Variants in PTPRM observed in about 807,000 individuals in gnomAD.
PTPRM encodes the protein receptor-type tyrosine-protein phosphatase mu.
Under a neutral mutation model 186.7 loss-of-function variants are expected in PTPRM, and 47 were observed. The observed-to-expected ratio is 0.25, with a 90% confidence interval of 0.20 to 0.32. The LOEUF (loss-of-function observed/expected upper bound fraction) is 0.32, where lower values mean the gene tolerates loss of function less well. PTPRM is among the 10% of genes least tolerant of loss of function. The pLI is 1.00. For synonymous variants in PTPRM, 668 were observed against 674.9 expected (o/e 0.99, Z 0.16); for missense variants, 1,494 against 1,865.0 (o/e 0.80, Z 3.66).
At position 8,069,984 on chromosome 18, in the gene PTPRM, A is replaced by G. The variant is rs1413342959; in HGVS notation, c.1431A>G (p.Thr477=). ...RKESQELIVQ[T]DEDLPGAVPT... is the part of the protein sequence containing the mutation. ...AAAGCCAAGAACTCATAGTGCAGAC[A>G]GATGAAGACCGTGAGTACCTTTGAA... The change falls in exon 8 of 33, where the codon ACA becomes ACG. Residue 477 remains threonine, a synonymous_variant. Transcript: ENST00000580170. 6.2e-7 allele frequency: 1 copy of G among 1,612,056 alleles called. No homozygotes were observed. Among genetic ancestry groups the G allele is most frequent in the Admixed American group, 1.7e-5 (1 of 59,844 alleles).
intron 1 of PTPRM, among the ~76,000 whole-genome samples, chr18:7,692,378 G>T (rs1288990001): frequency 1.3e-5 from 2 of 150,234 alleles, no homozygotes; most frequent in East Asian, 4.0e-4. Flanking sequence ...ATCCCAGGAG[G>T]TTAAGGAGGT....
At chr18:8,003,783 G>A (rs1369425866) in intron 7 of PTPRM, among the ~76,000 whole-genome samples, 1 of 152,190 alleles carries the variant, frequency 6.6e-6, no homozygotes, top group East Asian at 1.9e-4. Flanking sequence ...GCACATTTGA[G>A]GGCCTATTAC....
chr18:7,862,036 A>C (rs2047414189), intron 2 of PTPRM, among the ~76,000 whole-genome samples: 1 of 152,186 alleles, frequency 6.6e-6, no homozygotes, highest in Admixed American at 6.6e-5. Context: ...GAGCATTTAG[A>C]ACATGAATTC....
At chr18:7,767,610 A>G (rs1196893208) in intron 1 of PTPRM, among the ~76,000 whole-genome samples, 1 of 152,194 alleles carries the variant, frequency 6.6e-6, no homozygotes, top group African/African-American at 2.4e-5. Context: ...CCAAAGAAAT[A>G]AAAAAGATAA....
chr18:7,808,434 A>G (rs2044344399), intron 2 of PTPRM, among the ~76,000 whole-genome samples: 1 of 152,196 alleles, frequency 6.6e-6, no homozygotes, highest in Non-Finnish European at 1.5e-5. Context: ...AATTTCTGGG[A>G]TGAAATCTGT....
chr18:7,644,771 A>C (rs536316278), intron 1 of PTPRM, among the ~76,000 whole-genome samples: 23 of 152,316 alleles, frequency 1.5e-4, no homozygotes, highest in African/African-American at 5.5e-4. Flanking sequence ...TGCAAGACAA[A>C]TGAGTGGGTA....
intron 14 of PTPRM, among the ~76,000 whole-genome samples, chr18:8,215,415 C>CAACA (rs1413847333): frequency 1.1e-4 from 17 of 151,910 alleles, no homozygotes; most frequent in African/African-American, 3.9e-4. Flanking sequence ...CCTATTTTCC[C>CAACA]ATGTGTCTGT....
chr18:8,159,670 A>C (rs568720122), intron 14 of PTPRM, among the ~76,000 whole-genome samples: 1 of 152,274 alleles, frequency 6.6e-6, no homozygotes, highest in East Asian at 1.9e-4. Context: ...TCCTGCATTC[A>C]CAGTCCTGAA....
At chr18:8,003,563 C>A (rs889136133) in intron 7 of PTPRM, among the ~76,000 whole-genome samples, 5 of 152,196 alleles carry the variant, frequency 3.3e-5, no homozygotes, top group Non-Finnish European at 1.5e-5. Context: ...GTCTGAGCAC[C>A]GTATCACATC....
chr18:7,640,251 A>G lies in PTPRM; in HGVS notation c.73+72360A>G, dbSNP rs575437095. Reference sequence around the variant, plus strand: ...TACAGGTAGGCAGAACTTGCTACAGAAAGAAACTTCCAGTGTCCAGTTGAA... The same window carrying G: ...TACAGGTAGGCAGAACTTGCTACAGGAAGAAACTTCCAGTGTCCAGTTGAA... On this transcript the variant is annotated intron_variant, in intron 1 of 32. Coordinates refer to ENST00000580170, the MANE Select transcript of PTPRM (RefSeq NM_001105244.2). Among the ~76,000 whole-genome samples, 5 of 152,328 alleles carry G rather than the reference A, an allele frequency of 3.3e-5. No individual in the cohort carries two copies. The South Asian group carries it at 6.2e-4, about 19-fold the overall frequency.
rs1025474106 is a variant in PTPRM at position 8,395,654 on chromosome 18, T to G, written c.4344+1043T>G. Among the ~76,000 whole-genome samples, 43 of 152,024 alleles carry G rather than the reference T, an allele frequency of 2.8e-4. 1 individual carries two copies. Among genetic ancestry groups the G allele is most frequent in the Admixed American group, 2.7e-3 (41 of 15,272 alleles). On this transcript the variant is annotated intron_variant, in intron 32 of 32. Transcript: ENST00000580170. ...TGGTCAGAAAATTTGTCACACCCAC[T>G]TGGTTAGGCACACTCTCACCCATCA...
intron 1 of PTPRM, among the ~76,000 whole-genome samples, chr18:7,651,934 G>A (rs2038716028): frequency 6.6e-6 from 1 of 151,924 alleles, no homozygotes; most frequent in African/African-American, 2.4e-5. Flanking sequence ...CTTCTGCACA[G>A]CAAAAGAAAC....
chr18:8,073,215 T>G (rs2089597162), intron 8 of PTPRM, among the ~76,000 whole-genome samples: 1 of 152,268 alleles, frequency 6.6e-6, no homozygotes, highest in Non-Finnish European at 1.5e-5. Flanking sequence ...TATCACTGGC[T>G]GCTCCGCCTA....
At chr18:8,143,389 A>T (rs2146117291) in intron 13 of PTPRM, among the ~76,000 whole-genome samples, 1 of 152,306 alleles carries the variant, frequency 6.6e-6, no homozygotes, top group East Asian at 1.9e-4. Flanking sequence ...AAAATGTTTG[A>T]GAAGAGTCTC....
intron 1 of PTPRM, among the ~76,000 whole-genome samples, chr18:7,623,935 G>A (rs1354423442): frequency 2.0e-5 from 3 of 152,100 alleles, no homozygotes; most frequent in South Asian, 4.2e-4. Flanking sequence ...GGGCACACTT[G>A]GAGTGAACTG....
intron 14 of PTPRM, among the ~76,000 whole-genome samples, chr18:8,151,692 G>GA (rs1242594668): frequency 0.18 from 18,979 of 105,140 alleles, 1,528 homozygotes; most frequent in Middle Eastern, 0.29. Context: ...CTGGGGTATG[G>GA]AAAAAAAAAA....
intron 7 of PTPRM, among the ~76,000 whole-genome samples, chr18:7,982,635 A>G (rs2082620476): frequency 6.6e-6 from 1 of 152,152 alleles, no homozygotes; most frequent in African/African-American, 2.4e-5. Context: ...AGTATTAGGT[A>G]CTGTACATGA....
At chr18:8,309,777 T>C (rs1296586994) in intron 20 of PTPRM, among the ~76,000 whole-genome samples, 1 of 152,164 alleles carries the variant, frequency 6.6e-6, no homozygotes, top group African/African-American at 2.4e-5. Flanking sequence ...CAAGCTATCC[T>C]CCTGCCTCGG....
chr18:8,303,955 G>A (rs969826803), intron 20 of PTPRM, among the ~76,000 whole-genome samples: 1 of 152,150 alleles, frequency 6.6e-6, no homozygotes, highest in Admixed American at 6.5e-5. Flanking sequence ...GCAGCCACGG[G>A]AGGAGCAAAT....
Sources: allele counts gnomAD v4.1 joint callset (sites outside exome capture counted in the v4.1 genomes callset), GRCh38; gene constraint gnomAD v4.1.1; transcripts MANE v1.5; gene names NCBI Gene and HGNC (gene_info 2026-07-23, HGNC 2026-07-21).